DNAH5: variants seen among roughly 807,000 people sequenced by gnomAD.
DNAH5 encodes the protein dynein axonemal heavy chain 5.
In DNAH5, 372 loss-of-function variants were observed where a neutral mutation model predicts 518.2. The observed-to-expected ratio is 0.72, with a 90% CI of 0.66 to 0.78. DNAH5 has a LOEUF of 0.78. Ranked by LOEUF, DNAH5 falls within the 30% of genes least tolerant of loss-of-function variation. DNAH5 has a pLI of 0.00. For missense variants in DNAH5, 5,523 were observed against 5,687.0 expected (o/e 0.97, Z 0.93); for synonymous variants, 2,039 against 2,025.9 (o/e 1.01, Z -0.17).
At chr5:13,937,628 G>A (rs190519873) in intron 1 of DNAH5, among the ~76,000 whole-genome samples, 3 of 151,570 alleles carry the variant, frequency 2.0e-5, no homozygotes, top group Admixed American at 6.6e-5. Context: ...ACCTTTGCAC[G>A]GGGAAGTGGG....
rs749811047 is a variant in DNAH5 at position 13,979,334 on chromosome 5, T to C, written c.12+32314A>G. Among the ~76,000 whole-genome samples, 3 of 152,294 alleles carry C rather than the reference T, an allele frequency of 2.0e-5. No homozygotes were observed. In the East Asian group the frequency reaches 5.8e-4, roughly 29 times the overall value. Reference sequence around the variant, plus strand: ...TTACCTTCTCCTTTCTTTCTTCCTATAGCATGAACCATCTTCCAACATATA... The same window carrying C: ...TTACCTTCTCCTTTCTTTCTTCCTACAGCATGAACCATCTTCCAACATATA... On this transcript the variant is annotated intron_variant, in intron 1 of 78. Coordinates refer to the DNAH5 transcript ENST00000681290.
chr5:13,951,913 CTT>C (rs1353815708), intron 1 of DNAH5, among the ~76,000 whole-genome samples: 1 of 152,228 alleles, frequency 6.6e-6, no homozygotes, highest in Admixed American at 6.5e-5. Context: ...GTCCTCTTTG[CTT>C]TTCTCTTGTG....
At chr5:13,740,774 T>C (rs1748394598) in intron 65 of DNAH5, among the ~76,000 whole-genome samples, 1 of 152,176 alleles carries the variant, frequency 6.6e-6, no homozygotes, top group Non-Finnish European at 1.5e-5. Flanking sequence ...TCCTCAAATG[T>C]CACATTCTCA....
intron 56 of DNAH5, among the ~76,000 whole-genome samples, 193 bp downstream of exon 56, chr5:13,770,556 G>C (rs546757287): frequency 6.6e-6 from 1 of 152,224 alleles, no homozygotes; most frequent in African/African-American, 2.4e-5. Context: ...TGGAGGAAAA[G>C]AACTTCAGGA....
chr5:13,984,093 AG>A (rs1309097672), intron 1 of DNAH5, among the ~76,000 whole-genome samples: 1 of 152,156 alleles, frequency 6.6e-6, no homozygotes, highest in East Asian at 1.9e-4. Flanking sequence ...AGAGACAAGC[AG>A]GAGAGGGGGG....
At chr5:13,930,971 C>T in intron 2 of DNAH5, 139 bp downstream of exon 2, 1 of 1,259,834 alleles carries the variant, frequency 7.9e-7, no homozygotes, top group Admixed American at 1.8e-5. Flanking sequence ...AGCACCAGTA[C>T]AGAGTCAGAA....
chr5:13,989,585 G>A lies in DNAH5; in HGVS notation c.12+22063C>T, dbSNP rs982109928. Among the ~76,000 whole-genome samples the A allele has an allele frequency of 1.1e-4, 16 of 150,236 alleles. No individual in the cohort carries two copies. The East Asian group carries it at 3.0e-3, about 28-fold the overall frequency. ...TGCAAGCTCTGCCTCCCGGGTTCACGCCGTTCTCCTGCCTCAGCCTCCGGA... is the reference window on the plus strand; with the variant it reads ...TGCAAGCTCTGCCTCCCGGGTTCACACCGTTCTCCTGCCTCAGCCTCCGGA... On this transcript the variant is annotated intron_variant, in intron 1 of 78. Coordinates refer to the DNAH5 transcript ENST00000681290.
intron 19 of DNAH5, among the ~76,000 whole-genome samples, chr5:13,883,721 A>G (rs1384544535): frequency 6.6e-6 from 1 of 152,222 alleles, no homozygotes; most frequent in Non-Finnish European, 1.5e-5. Context: ...CTGTAATAGA[A>G]AAGCTGGGAA....
chr5:13,793,798 T>G, intron 48 of DNAH5, 70 bp from the exon 49 acceptor site: 1 of 1,577,988 alleles, frequency 6.3e-7, no homozygotes, highest in South Asian at 1.1e-5. Context: ...CCTTGAGTGT[T>G]TCCAAAGAAA....
Position 13,944,509 on chromosome 5 carries a change from A to G in DNAH5, c.-71T>C. 1.5e-6 allele frequency: 2 copies of G among 1,324,732 alleles called. No individual in the cohort carries two copies. The highest frequency in any genetic ancestry group is 1.8e-4 in the Middle Eastern group (1 of 5,528). 82.1% of individuals were successfully genotyped at this position (1,324,732 alleles called of 1,614,324 possible). On this transcript the variant is annotated 5_prime_UTR_variant, in exon 1 of 79. An upstream open reading frame in the 5' UTR loses its in-frame stop. Transcript: ENST00000265104. ...CTTCTAACTCCTGGCAGACCTGCTCAACATCCAACAGGCTTCCAAATGGAA... is the reference window on the plus strand; with the variant it reads ...CTTCTAACTCCTGGCAGACCTGCTCGACATCCAACAGGCTTCCAAATGGAA...
chr5:13,944,468 G>T lies in DNAH5; in HGVS notation c.-30C>A. On this transcript the variant is annotated 5_prime_UTR_variant, in exon 1 of 79. In the 5' UTR this introduces an upstream ATG that the reference lacks. Transcript: ENST00000265104. ...GCCGTGCATGGACAGGCTGGAGTCA[G>T]CTCTTCCGGAATGGTCTTCTAACTC... is the stretch of plus-strand genomic sequence containing the variant. 6.2e-7 allele frequency: 1 copy of T among 1,606,816 alleles called. No homozygotes were observed. Among genetic ancestry groups the T allele is most frequent in the South Asian group, 1.1e-5 (1 of 90,926 alleles).
intron 47 of DNAH5, among the ~76,000 whole-genome samples, chr5:13,807,069 C>T (rs6875472): frequency 0.031 from 4,740 of 152,178 alleles, 149 homozygotes; most frequent in African/African-American, 0.082. Context: ...TAACCTGGTA[C>T]GCAATCATGC....
chr5:13,700,698 T>C lies in DNAH5; in HGVS notation c.13665A>G (p.Ser4555=), dbSNP rs1741977577. ...TCAACTCAAAGAGCACTTTTGGCTT[T>C]GATTCAATGAGTTTCATGTTCCTCT... ...WDKRNMKLIE[S]KPKVLFELMP... is the part of the protein sequence containing the mutation. Residue 4555 remains serine, a synonymous_variant, in exon 78 of 79, where the codon TCA becomes TCG. Transcript: ENST00000265104. 1 of 1,614,072 alleles carries C rather than the reference T, an allele frequency of 6.2e-7. No homozygotes were observed. Among genetic ancestry groups the C allele is most frequent in the African/African-American group, 1.3e-5 (1 of 74,936 alleles).
At chr5:13,850,289 T>C (rs1196508208) in intron 31 of DNAH5, among the ~76,000 whole-genome samples, 2 of 134,026 alleles carry the variant, frequency 1.5e-5, no homozygotes, top group African/African-American at 5.7e-5. Flanking sequence ...TGCATGTATA[T>C]ACTAAACACT....
intron 16 of DNAH5, among the ~76,000 whole-genome samples, chr5:13,891,734 A>C (rs1012307043): frequency 2.1e-5 from 3 of 145,982 alleles, no homozygotes; most frequent in African/African-American, 7.3e-5. Flanking sequence ...GTATTCAACA[A>C]ATTTGACTAA....
chr5:13,701,704 C>T (rs534365741), intron 76 of DNAH5, among the ~76,000 whole-genome samples: 26 of 152,278 alleles, frequency 1.7e-4, no homozygotes, highest in Middle Eastern at 3.4e-3. Flanking sequence ...TTCAAGATAT[C>T]TAACGTCAAT....
rs556264473 is a variant in DNAH5 at position 13,981,826 on chromosome 5, A to C, written c.12+29822T>G. The stretch of plus-strand genomic sequence containing the variant: ...ACAGAAAAGTAAAACTGGAGGTCAC[A>C]GTTTAGATGTACCCAAGGCCATCCA... On this transcript the variant is annotated intron_variant, in intron 1 of 78. Coordinates refer to the DNAH5 transcript ENST00000681290. Among the ~76,000 whole-genome samples, 244 of 152,366 alleles carry C rather than the reference A, an allele frequency of 1.6e-3. 1 individual carries two copies. The highest frequency in any genetic ancestry group is 5.7e-3 in the African/African-American group (235 of 41,584).
At position 13,691,729 on chromosome 5, in the gene DNAH5, G is replaced by A. The variant is rs1740714176; in HGVS notation, c.*255C>T. On this transcript the variant is annotated 3_prime_UTR_variant, in exon 79 of 79. Coordinates refer to ENST00000265104, the MANE Select transcript of DNAH5 (RefSeq NM_001369.3). ...GAAAATATACTACTGTGGATTTGAG[G>A]GCCACACTTCATTAGGATGCTGTAA... The A allele has an allele frequency of 2.1e-6, 1 of 482,102 alleles. No individual in the cohort carries two copies. Among genetic ancestry groups the A allele is most frequent in the African/African-American group, 2.0e-5 (1 of 51,098 alleles). 29.9% of individuals were successfully genotyped at this position (482,102 alleles called of 1,614,324 possible).
chr5:13,844,196 A>G (rs934024955), intron 32 of DNAH5, among the ~76,000 whole-genome samples: 1 of 152,242 alleles, frequency 6.6e-6, no homozygotes, highest in African/African-American at 2.4e-5. Context: ...TAGTTGCTCA[A>G]TAAATGTAAC....
Sources: gnomAD v4.1 joint callset for allele counts (sites outside exome capture counted in the v4.1 genomes callset) on GRCh38, gnomAD v4.1.1 for gene constraint, MANE v1.5 for transcripts, NCBI Gene and HGNC (gene_info 2026-07-23, HGNC 2026-07-21) for gene names.